Variants in KANSL2 observed in about 807,000 individuals in gnomAD.
KANSL2 encodes KAT8 regulatory NSL complex subunit 2, also known as NSL complex protein NSL2.
Under a neutral mutation model 55.6 loss-of-function variants are expected in KANSL2, and 34 were observed. The observed-to-expected ratio is 0.61, with a 90% CI of 0.46 to 0.81. The LOEUF is 0.81. KANSL2 is among the 40% of genes least tolerant of loss of function. The probability of loss-of-function intolerance (pLI) is 0.00; values close to 1 mark genes in which losing one functional copy is unlikely to be tolerated. For missense variants in KANSL2, 502 were observed against 609.9 expected, an observed-to-expected ratio of 0.82 and a Z score of 1.86; for synonymous variants, 209 against 214.3, an observed-to-expected ratio of 0.98 and a Z score of 0.22.
intron 4 of KANSL2, among the ~76,000 whole-genome samples, chr12:48,676,242 A>G (rs150154120): frequency 1.0e-3 from 153 of 152,286 alleles, no homozygotes; most frequent in African/African-American, 3.6e-3. Context: ...AGTTAAGACT[A>G]CAGACCACGT....
intron 4 of KANSL2, among the ~76,000 whole-genome samples, chr12:48,676,742 A>G (rs1026816846): frequency 6.6e-6 from 1 of 152,196 alleles, no homozygotes; most frequent in Non-Finnish European, 1.5e-5. Context: ...ACAATTAAGT[A>G]AGTGGTTACT....
intron 5 of KANSL2, 33 bp from the exon 6 acceptor site, chr12:48,669,305 A>G (rs1939662989): frequency 6.7e-7 from 1 of 1,489,978 alleles, no homozygotes; most frequent in Admixed American, 2.3e-5. Flanking sequence ...GTTATTTGCC[A>G]AGCAATCCAT....
At chr12:48,675,575 T>C (rs1939806063) in intron 4 of KANSL2, among the ~76,000 whole-genome samples, 1 of 152,174 alleles carries the variant, frequency 6.6e-6, no homozygotes, top group Admixed American at 6.6e-5. Flanking sequence ...AAATAAAAAT[T>C]GTTTTAAAAA....
At chr12:48,673,741 A>G (rs1939771307) in intron 4 of KANSL2, among the ~76,000 whole-genome samples, 1 of 151,618 alleles carries the variant, frequency 6.6e-6, no homozygotes, top group African/African-American at 2.4e-5. Flanking sequence ...TGAGCCTGGG[A>G]GTTCAAGACC....
chr12:48,680,621 T>C (rs1289487131), intron 2 of KANSL2, among the ~76,000 whole-genome samples: 4 of 152,126 alleles, frequency 2.6e-5, no homozygotes, highest in African/African-American at 9.7e-5. Flanking sequence ...CATATATAAC[T>C]TTGCATGTTA....
At chr12:48,667,614 T>C (rs780497827) in intron 7 of KANSL2, 79 bp downstream of exon 7, 7 of 1,168,466 alleles carry the variant, frequency 6.0e-6, no homozygotes, top group African/African-American at 1.5e-5. Flanking sequence ...AATCCTTCAA[T>C]TAAGCAAACT....
At chr12:48,661,191 A>T in intron 7 of KANSL2, 2 of 923,824 alleles carry the variant, frequency 2.2e-6, no homozygotes, top group Non-Finnish European at 2.6e-6. Flanking sequence ...TTAAATATAC[A>T]TGCCTTTTTT....
chr12:48,679,216 A>G (rs1565610126), intron 3 of KANSL2, 66 bp from the exon 4 acceptor site: 1 of 1,047,800 alleles, frequency 9.5e-7, no homozygotes, highest in South Asian at 1.3e-5. Context: ...ACACAAAACT[A>G]GATTACTTTT....
intron 8 of KANSL2, among the ~76,000 whole-genome samples, chr12:48,659,882 ACAAG>A (rs1939456670): frequency 6.6e-6 from 1 of 152,244 alleles, no homozygotes; most frequent in South Asian, 2.1e-4. Flanking sequence ...GCTAAGTGAA[ACAAG>A]CAAGACACAA....
At chr12:48,663,383 A>G (rs1240941416) in intron 7 of KANSL2, among the ~76,000 whole-genome samples, 3 of 152,192 alleles carry the variant, frequency 2.0e-5, no homozygotes, top group Non-Finnish European at 4.4e-5. Flanking sequence ...GAAAAATTGT[A>G]TATTTTAAAT....
chr12:48,659,971 G>A (rs761811421), intron 8 of KANSL2, among the ~76,000 whole-genome samples: 3 of 152,276 alleles, frequency 2.0e-5, no homozygotes, highest in South Asian at 4.1e-4. Context: ...TAGATTCATC[G>A]TGGCCAGGGG....
In KANSL2 at chr12:48,667,710, G is replaced by A. The variant is rs753092236; in HGVS notation, c.956C>T (p.Thr319Ile). ...VRCSNQSLPM[T>I]RHCLTHICQD... ...AAAGATACGGGTAAGGCAGTGTCTG[G>A]TCATTGGAAGAGACTGATTGGAACA... The change falls in exon 7 of 10, where the codon ACC becomes ATC. Residue 319 changes from threonine to isoleucine, a missense_variant. Transcript: ENST00000420613. 1.9e-6 allele frequency: 3 copies of A among 1,613,054 alleles called. No individual in the cohort carries two copies. Among genetic ancestry groups the A allele is most frequent in the Non-Finnish European group, 2.5e-6 (3 of 1,179,130 alleles).
At chr12:48,666,991 G>A (rs1165443281) in intron 7 of KANSL2, among the ~76,000 whole-genome samples, 1 of 152,050 alleles carries the variant, frequency 6.6e-6, no homozygotes, top group East Asian at 1.9e-4. Context: ...GACCAGCCTG[G>A]CCAACATGGT....
intron 4 of KANSL2, among the ~76,000 whole-genome samples, chr12:48,674,753 G>T (rs1357527160): frequency 1.3e-5 from 2 of 151,498 alleles, no homozygotes; most frequent in East Asian, 3.9e-4. Flanking sequence ...TGGCAAAACA[G>T]CCTCTCTACT....
chr12:48,666,821 G>A (rs1242305954), intron 7 of KANSL2, among the ~76,000 whole-genome samples: 3 of 152,198 alleles, frequency 2.0e-5, no homozygotes, highest in Non-Finnish European at 4.4e-5. Context: ...GCTGCAGTGA[G>A]CTATGACTGA....
At chr12:48,676,168 T>C (rs1939817299) in intron 4 of KANSL2, among the ~76,000 whole-genome samples, 1 of 152,152 alleles carries the variant, frequency 6.6e-6, no homozygotes, top group African/African-American at 2.4e-5. Flanking sequence ...TGGAATGCAG[T>C]GGCACGATCA....
intron 9 of KANSL2, chr12:48,654,540 C>T (rs1181893482): frequency 9.8e-6 from 6 of 612,714 alleles, no homozygotes; most frequent in East Asian, 8.2e-5. Context: ...CCAAGGCTCA[C>T]GGACAGAACT....
At chr12:48,677,850 A>C (rs1470008528) in intron 4 of KANSL2, among the ~76,000 whole-genome samples, 2 of 151,904 alleles carry the variant, frequency 1.3e-5, no homozygotes, top group South Asian at 4.1e-4. Context: ...TTGTGAGAGA[A>C]TCCTGCAAGA....
chr12:48,677,688 G>C (rs561982492), intron 4 of KANSL2, among the ~76,000 whole-genome samples: 1 of 149,950 alleles, frequency 6.7e-6, no homozygotes, highest in Non-Finnish European at 1.5e-5. Flanking sequence ...GGGAGGCTGA[G>C]GCAGGAGAAT....
Sources: gnomAD v4.1 joint callset for allele counts (sites outside exome capture counted in the v4.1 genomes callset) on GRCh38, gnomAD v4.1.1 for gene constraint, MANE v1.5 for transcripts, NCBI Gene and HGNC (gene_info 2026-07-23, HGNC 2026-07-21) for gene names.